ROBO1: variants seen among roughly 807,000 people sequenced by gnomAD.
ROBO1 encodes the protein roundabout guidance receptor 1, also known as roundabout homolog 1.
In ROBO1, 149 loss-of-function variants were observed where a neutral mutation model predicts 195.9. That is an observed-to-expected ratio of 0.76 (90% CI 0.67 to 0.87). The LOEUF (loss-of-function observed/expected upper bound fraction) is 0.87. ROBO1 is among the 40% of genes least tolerant of loss of function. ROBO1 has a pLI of 0.00. For missense variants in ROBO1, 1,933 were observed against 2,068.3 expected (o/e 0.93, Z 1.27); for synonymous variants, 816 against 733.2 (o/e 1.11, Z -1.82).
At chr3:78,599,514 T>A (rs904018912) in intron 30 of ROBO1, among the ~76,000 whole-genome samples, 2 of 152,134 alleles carry the variant, frequency 1.3e-5, no homozygotes, top group African/African-American at 2.4e-5. Flanking sequence ...TATTAAAAAA[T>A]TTTCCTCAAC....
At chr3:78,638,345 C>CATAT (rs373334745) in intron 22 of ROBO1, among the ~76,000 whole-genome samples, 9 of 148,072 alleles carry the variant, frequency 6.1e-5, no homozygotes, top group South Asian at 2.1e-4. Context: ...TTAATATGTA[C>CATAT]ATATATATAT....
At chr3:79,187,107 T>G (rs765811028) in intron 2 of ROBO1, among the ~76,000 whole-genome samples, 2 of 152,098 alleles carry the variant, frequency 1.3e-5, no homozygotes, top group Non-Finnish European at 2.9e-5. Context: ...GGTATCTAGT[T>G]ATCCTTTAAA....
At chr3:78,623,182 G>A (rs1704556699) in intron 26 of ROBO1, among the ~76,000 whole-genome samples, 1 of 152,168 alleles carries the variant, frequency 6.6e-6, no homozygotes, top group Non-Finnish European at 1.5e-5. Context: ...AATTAAATAT[G>A]CAATGACAGA....
At chr3:78,642,057 G>T (rs969732971) in intron 21 of ROBO1, among the ~76,000 whole-genome samples, 4 of 151,734 alleles carry the variant, frequency 2.6e-5, no homozygotes, top group African/African-American at 9.7e-5. Flanking sequence ...GGGTTCTAAG[G>T]TCTTTTTTTA....
chr3:79,549,013 G>C (rs1033078698), intron 2 of ROBO1, among the ~76,000 whole-genome samples: 1 of 152,168 alleles, frequency 6.6e-6, no homozygotes, highest in Non-Finnish European at 1.5e-5. Context: ...CTCATTGCTA[G>C]TGACTGAATT....
At chr3:78,933,677 T>G (rs1166877715) in intron 4 of ROBO1, among the ~76,000 whole-genome samples, 2 of 152,080 alleles carry the variant, frequency 1.3e-5, no homozygotes, top group Non-Finnish European at 2.9e-5. Context: ...GAACATATTC[T>G]GAGTGATAGC....
At chr3:78,916,016 C>A (rs1006923081) in intron 4 of ROBO1, among the ~76,000 whole-genome samples, 2 of 151,954 alleles carry the variant, frequency 1.3e-5, no homozygotes, top group African/African-American at 4.8e-5. Flanking sequence ...CTTTGGGAGG[C>A]CGAGGTGGGC....
intron 2 of ROBO1, among the ~76,000 whole-genome samples, chr3:79,466,345 G>C (rs1937957386): frequency 6.6e-6 from 1 of 152,032 alleles, no homozygotes; most frequent in Non-Finnish European, 1.5e-5. Context: ...ACAATTATTT[G>C]TCCTTGTATT....
chr3:79,291,595 A>G (rs549097576), intron 2 of ROBO1, among the ~76,000 whole-genome samples: 2 of 152,288 alleles, frequency 1.3e-5, no homozygotes, highest in East Asian at 3.9e-4. Context: ...ACCCCAGTGG[A>G]GCGTGAGATT....
intron 4 of ROBO1, among the ~76,000 whole-genome samples, chr3:78,758,502 G>T: frequency 7.1e-6 from 1 of 140,668 alleles, no homozygotes; most frequent in Non-Finnish European, 1.5e-5. Context: ...CTCCAGCCTG[G>T]GTGACAGAGT....
chr3:78,771,613 C>T (rs1559838666), intron 4 of ROBO1, among the ~76,000 whole-genome samples: 1 of 152,028 alleles, frequency 6.6e-6, no homozygotes, highest in Non-Finnish European at 1.5e-5. Flanking sequence ...TCTTTCATCT[C>T]CTTGGTTAGC....
chr3:79,154,289 T>C (rs2080821860), intron 2 of ROBO1, among the ~76,000 whole-genome samples: 1 of 151,798 alleles, frequency 6.6e-6, no homozygotes, highest in Non-Finnish European at 1.5e-5. Flanking sequence ...CACGATACCA[T>C]CATCTCAGAT....
chr3:79,457,092 G>A (rs979331509), intron 2 of ROBO1, among the ~76,000 whole-genome samples: 5 of 152,068 alleles, frequency 3.3e-5, no homozygotes, highest in African/African-American at 4.8e-5. Flanking sequence ...ACTCCAAAAC[G>A]AATGATGAAT....
chr3:78,633,084 T>C (rs1263946786), intron 24 of ROBO1, among the ~76,000 whole-genome samples: 1 of 152,168 alleles, frequency 6.6e-6, no homozygotes, highest in Non-Finnish European at 1.5e-5. Context: ...GCAAATGCCA[T>C]ATTCATTACA....
intron 4 of ROBO1, among the ~76,000 whole-genome samples, chr3:78,877,475 A>T (rs529426586): frequency 3.9e-5 from 6 of 152,242 alleles, no homozygotes; most frequent in African/African-American, 1.4e-4. Context: ...AAAAAATAGT[A>T]CATTGGCTTA....
At chr3:78,991,406 A>G (rs2077234177) in intron 3 of ROBO1, among the ~76,000 whole-genome samples, 1 of 152,222 alleles carries the variant, frequency 6.6e-6, no homozygotes, top group Non-Finnish European at 1.5e-5. Context: ...ATGGATGTGA[A>G]AAAGGAACTG....
chr3:79,172,531 TCA>T (rs1203906803), intron 2 of ROBO1, among the ~76,000 whole-genome samples: 3 of 152,214 alleles, frequency 2.0e-5, no homozygotes, highest in East Asian at 3.9e-4. Flanking sequence ...AGATGGATTA[TCA>T]CAGATTGTCT....
At chr3:78,706,105 A>C (rs2081545079) in intron 8 of ROBO1, among the ~76,000 whole-genome samples, 1 of 152,052 alleles carries the variant, frequency 6.6e-6, no homozygotes, top group East Asian at 1.9e-4. Flanking sequence ...TAAGGGCAGT[A>C]GTAGCATCCA....
intron 2 of ROBO1, among the ~76,000 whole-genome samples, chr3:79,374,257 A>G (rs915294530): frequency 5.9e-5 from 9 of 152,174 alleles, no homozygotes; most frequent in Admixed American, 2.6e-4. Context: ...TGAAATATGT[A>G]AATGAATATC....
Sources: gnomAD v4.1 joint callset for allele counts (sites outside exome capture counted in the v4.1 genomes callset) on GRCh38, gnomAD v4.1.1 for gene constraint, MANE v1.5 for transcripts, NCBI Gene and HGNC (gene_info 2026-07-23, HGNC 2026-07-21) for gene names.